The following LRRC74A variants were observed in gnomAD, a reference collection of about 807,000 sequenced individuals.
The protein encoded by LRRC74A is leucine rich repeat containing 74A, also known as leucine-rich repeat-containing protein 74A.
A neutral mutation model predicts 57.9 loss-of-function variants in LRRC74A; 44 were observed. That is an observed-to-expected ratio of 0.76 (90% confidence interval 0.60 to 0.98). The LOEUF (loss-of-function observed/expected upper bound fraction) is 0.98, where lower values mean the gene tolerates loss of function less well. Ranked by LOEUF, LRRC74A falls within the 50% of genes least tolerant of loss-of-function variation. The pLI, the probability that LRRC74A is intolerant of heterozygous loss-of-function variation, is 0.00. For missense variants in LRRC74A, 572 were observed against 574.0 expected (o/e 1.00, Z 0.04); for synonymous variants, 211 against 219.4 (o/e 0.96, Z 0.34).
chr14:76,853,504 G>A lies in LRRC74A; in HGVS notation c.957+94G>A, dbSNP rs531752256. ...ATAAGTTGGGGGCTGCAGAGTACTG[G>A]AGAGAATAATTGGGAATATCTGTAC... On this transcript the variant is annotated intron_variant, in intron 9 of 13. Coordinates refer to ENST00000689127, the MANE Select transcript of LRRC74A (RefSeq NM_001385106.1). 78 of 1,201,448 alleles carry A rather than the reference G, an allele frequency of 6.5e-5. 1 individual carries two copies. Among genetic ancestry groups the A allele is most frequent in the Middle Eastern group, 5.1e-4 (2 of 3,948 alleles). The allele number at this position is 1,201,448 out of a possible 1,614,324, so 74.4% of individuals were successfully genotyped here. A position where few individuals can be genotyped will look rare whatever the true frequency, so the allele number is the denominator to read the frequency against.
intron 13 of LRRC74A, among the ~76,000 whole-genome samples, chr14:76,867,886 C>T (rs1225675193): frequency 6.6e-6 from 1 of 152,210 alleles, no homozygotes; most frequent in African/African-American, 2.4e-5. Flanking sequence ...CGGAGGCACA[C>T]AAGCACCAAA....
chr14:76,838,097 C>G, intron 5 of LRRC74A, 126 bp downstream of exon 5: 1 of 623,220 alleles, frequency 1.6e-6, no homozygotes, highest in Admixed American at 3.0e-5. Flanking sequence ...CAGAATACTG[C>G]ATCTATGCCT....
chr14:76,860,959 G>A lies in LRRC74A; in HGVS notation c.1200+120G>A, dbSNP rs538330669. ...GTGTCTGTACAACCCTCTCTGATAA[G>A]GAATGTCTCAGTCCCTTGGACAGCA... On this transcript the variant is annotated intron_variant, in intron 11 of 13. Transcript: ENST00000689127. 1.8e-5 allele frequency: 17 copies of A among 966,084 alleles called. No individual in the cohort carries two copies. In the South Asian group the frequency reaches 3.2e-4, roughly 18 times the overall value. 59.8% of individuals were successfully genotyped at this position (966,084 alleles called of 1,614,324 possible). A position where few individuals can be genotyped will look rare whatever the true frequency, so the allele number is the denominator to read the frequency against.
chr14:76,838,064 C>A, intron 5 of LRRC74A, 93 bp downstream of exon 5: 1 of 836,078 alleles, frequency 1.2e-6, no homozygotes, highest in Non-Finnish European at 1.9e-6. Context: ...TGAACCAGAC[C>A]ATGTCCTTCT....
intron 13 of LRRC74A, among the ~76,000 whole-genome samples, chr14:76,868,519 C>T (rs1440293417): frequency 6.6e-6 from 1 of 152,178 alleles, no homozygotes; most frequent in Non-Finnish European, 1.5e-5. Flanking sequence ...CTGGGAAGGG[C>T]AACTCTGGCC....
intron 11 of LRRC74A, among the ~76,000 whole-genome samples, chr14:76,864,095 G>T (rs943855291): frequency 6.6e-6 from 1 of 152,200 alleles, no homozygotes; most frequent in Non-Finnish European, 1.5e-5. Context: ...AGTGGGTGCC[G>T]AGGGCTCACC....
At chr14:76,851,942 G>A (rs983607487) in intron 7 of LRRC74A, among the ~76,000 whole-genome samples, 2 of 152,320 alleles carry the variant, frequency 1.3e-5, no homozygotes, top group South Asian at 2.1e-4. Flanking sequence ...GGGATTACAG[G>A]TGTGAGCCAC....
rs765352391 is a variant in LRRC74A at position 76,852,561 on chromosome 14, G to T, written c.762+111G>T. 4.4e-5 allele frequency: 30 copies of T among 682,930 alleles called. 1 individual carries two copies. Among genetic ancestry groups the T allele is most frequent in the Middle Eastern group, 2.9e-4 (1 of 3,392 alleles). 42.3% of individuals were successfully genotyped at this position (682,930 alleles called of 1,614,324 possible). A position where few individuals can be genotyped will look rare whatever the true frequency, so the allele number is the denominator to read the frequency against. On this transcript the variant is annotated intron_variant, in intron 8 of 13. Transcript: ENST00000689127. ...TGGTCACCATCAATGAGGGCATACT[G>T]GGCTCTCATCAAATACTTTTCAAGT...
rs1446122927 is a variant in LRRC74A at position 76,826,548 on chromosome 14, G to A, written c.-150G>A. ...ACTCTTCCCAGGGCTTGCTGGGAGG[G>A]AAGGATAACTGCAGGCTCCCCTGGG... On this transcript the variant is annotated 5_prime_UTR_variant, in exon 1 of 14. Coordinates refer to ENST00000689127, the MANE Select transcript of LRRC74A (RefSeq NM_001385106.1). 1 of 1,611,816 alleles carries A rather than the reference G, an allele frequency of 6.2e-7. No individual in the cohort carries two copies. Among genetic ancestry groups the A allele is most frequent in the African/African-American group, 1.3e-5 (1 of 74,906 alleles).
Position 76,867,362 on chromosome 14 carries a change from A to G in LRRC74A, c.1315A>G (p.Lys439Glu), listed in dbSNP as rs1899014802. ...EFQKVMIEQN[K>E]VPLNQYQVRE... ...GTTCCATCCACCTCCTCAGCAAAAC[A>G]AGGTCCCCCTGAACCAGTACCAGGT... Residue 439 changes from lysine to glutamate, a missense_variant, in exon 13 of 14, where the codon AAG becomes GAG. Physicochemically the swap from Lys to Glu is moderately conservative, Grantham distance 56. Transcript: ENST00000689127. The G allele has an allele frequency of 6.4e-7, 1 of 1,564,094 alleles. No individual in the cohort carries two copies. The highest frequency in any genetic ancestry group is 8.8e-7 in the Non-Finnish European group (1 of 1,136,476).
In LRRC74A at chr14:76,860,692, G is replaced by A; in HGVS notation, c.1054-1G>A. 6.2e-7 allele frequency: 1 copy of A among 1,606,292 alleles called. No individual in the cohort carries two copies. The highest frequency in any genetic ancestry group is 1.1e-5 in the South Asian group (1 of 89,954). ...ATGGGTCCCCTCTCTCCCTGTCACA[G>A]AACGTGCTGGTGTCCGAGCAGTTCA... On this transcript the variant is annotated splice_acceptor_variant, in intron 10 of 13. Transcript: ENST00000689127. LOFTEE classifies it high-confidence loss of function.
chr14:76,845,343 G>A lies in LRRC74A; in HGVS notation c.676+442G>A, dbSNP rs147635258. On this transcript the variant is annotated intron_variant, in intron 7 of 13. Coordinates refer to ENST00000689127, the MANE Select transcript of LRRC74A (RefSeq NM_001385106.1). Reference sequence around the variant, plus strand: ...TGTCTCAAAAGAAGAAGCACAAGAAGAAGGAAAAGAAGAAGGGGAAGGGAA... The same window carrying A: ...TGTCTCAAAAGAAGAAGCACAAGAAAAAGGAAAAGAAGAAGGGGAAGGGAA... 8.5e-4 allele frequency among the ~76,000 whole-genome samples: 125 copies of A among 147,170 alleles called. No homozygotes were observed. The East Asian group carries it at 0.022, about 26-fold the overall frequency.
rs7147504 is a variant in LRRC74A, at chr14:76,849,917, C to T, written c.677-2448C>T. Among the ~76,000 whole-genome samples, 943 of 151,754 alleles carry T rather than the reference C, an allele frequency of 6.2e-3. 16 individuals carry two copies. The highest frequency in any genetic ancestry group is 0.022 in the African/African-American group (894 of 41,370). On this transcript the variant is annotated intron_variant, in intron 7 of 13. Coordinates refer to ENST00000689127, the MANE Select transcript of LRRC74A (RefSeq NM_001385106.1). ...TACATCAATCCTCATTTAAAAAAAACTCTATATAGGGCCAGGCGTGGTGGC... is the reference window on the plus strand; with the variant it reads ...TACATCAATCCTCATTTAAAAAAAATTCTATATAGGGCCAGGCGTGGTGGC...
chr14:76,839,552 G>A (rs1330470608), intron 5 of LRRC74A, among the ~76,000 whole-genome samples: 1 of 152,148 alleles, frequency 6.6e-6, no homozygotes, highest in Non-Finnish European at 1.5e-5. Context: ...ACTATACCTA[G>A]TACATAAGTA....
At chr14:76,852,242 T>G in intron 7 of LRRC74A, 123 bp from the exon 8 acceptor site, 2 of 644,516 alleles carry the variant, frequency 3.1e-6, no homozygotes, top group Non-Finnish European at 2.6e-6. Flanking sequence ...AATTATTATC[T>G]GAGAATTTTA....
At chr14:76,844,678 G>A in intron 6 of LRRC74A, 142 bp from the exon 7 acceptor site, 1 of 694,306 alleles carries the variant, frequency 1.4e-6, no homozygotes, top group South Asian at 1.8e-5. Context: ...GCCATCAACA[G>A]TCCAACAAAA....
intron 8 of LRRC74A, 43 bp downstream of exon 8, chr14:76,852,493 A>G: frequency 6.9e-7 from 1 of 1,453,708 alleles, no homozygotes; most frequent in African/African-American, 1.4e-5. Context: ...CCAGTTGAGG[A>G]CAGCCAGGGC....
intron 3 of LRRC74A, among the ~76,000 whole-genome samples, chr14:76,835,097 G>A (rs1418786146): frequency 6.6e-6 from 1 of 152,172 alleles, no homozygotes; most frequent in Non-Finnish European, 1.5e-5. Flanking sequence ...TGTGTACTGG[G>A]AACAAGGTGG....
chr14:76,859,313 T>A (rs1335374424), intron 10 of LRRC74A, among the ~76,000 whole-genome samples: 1 of 152,004 alleles, frequency 6.6e-6, no homozygotes, highest in Non-Finnish European at 1.5e-5. Context: ...GGCGGGTGGA[T>A]CACCTGAGGT....
Sources: gnomAD v4.1 joint callset for allele counts (sites outside exome capture counted in the v4.1 genomes callset) on GRCh38, gnomAD v4.1.1 for gene constraint, MANE v1.5 for transcripts, NCBI Gene and HGNC (gene_info 2026-07-23, HGNC 2026-07-21) for gene names.